The following SLC16A10 variants were observed in gnomAD, a reference collection of about 807,000 sequenced individuals.
SLC16A10 encodes monocarboxylate transporter 10.
Under a neutral mutation model 40.0 loss-of-function variants are expected in SLC16A10, and 27 were observed. The observed-to-expected ratio is 0.67, with a 90% CI of 0.50 to 0.93. The LOEUF is 0.93. SLC16A10 is among the 40% of genes least tolerant of loss of function. SLC16A10 has a pLI of 0.00. For synonymous variants in SLC16A10, 213 were observed against 249.8 expected, an observed-to-expected ratio of 0.85 and a Z score of 1.39; for missense variants, 529 against 658.2, an observed-to-expected ratio of 0.80 and a Z score of 2.15.
At chr6:111,121,396 A>C (rs1771581008) in intron 1 of SLC16A10, among the ~76,000 whole-genome samples, 1 of 152,164 alleles carries the variant, frequency 6.6e-6, no homozygotes, top group Non-Finnish European at 1.5e-5. Context: ...CCCTGTCTCT[A>C]CAAAATATAT....
intron 4 of SLC16A10, among the ~76,000 whole-genome samples, chr6:111,216,232 C>T (rs1773418734): frequency 6.6e-6 from 1 of 152,110 alleles, no homozygotes; most frequent in African/African-American, 2.4e-5. Flanking sequence ...AGGCTGTAGG[C>T]CCAACAATTA....
intron 3 of SLC16A10, among the ~76,000 whole-genome samples, chr6:111,187,442 A>G (rs1772917871): frequency 6.6e-6 from 1 of 152,202 alleles, no homozygotes; most frequent in Admixed American, 6.5e-5. Flanking sequence ...TTAGGACCTG[A>G]AAGGCATTGT....
intron 1 of SLC16A10, among the ~76,000 whole-genome samples, chr6:111,164,509 C>T (rs774794801): frequency 1.2e-4 from 18 of 152,186 alleles, no homozygotes; most frequent in Non-Finnish European, 2.4e-4. Flanking sequence ...CCTGTAATCC[C>T]AGCACTTTGG....
At chr6:111,150,637 TA>T (rs1772156780) in intron 1 of SLC16A10, among the ~76,000 whole-genome samples, 1 of 152,214 alleles carries the variant, frequency 6.6e-6, no homozygotes, top group Non-Finnish European at 1.5e-5. Flanking sequence ...TTGGACCTCC[TA>T]ATGACAGGCC....
chr6:111,112,813 T>C (rs1771413893), intron 1 of SLC16A10, among the ~76,000 whole-genome samples: 1 of 152,178 alleles, frequency 6.6e-6, no homozygotes, highest in Admixed American at 6.5e-5. Context: ...TCCCAAAGTT[T>C]GAAGGCTGTA....
chr6:111,210,819 G>A (rs965013690), intron 4 of SLC16A10, among the ~76,000 whole-genome samples: 6 of 152,058 alleles, frequency 3.9e-5, no homozygotes, highest in Non-Finnish European at 5.9e-5. Context: ...GGCGGATCAC[G>A]AGGTCAGGAG....
intron 1 of SLC16A10, among the ~76,000 whole-genome samples, chr6:111,132,512 G>A (rs539988173): frequency 3.3e-5 from 5 of 152,172 alleles, no homozygotes; most frequent in Non-Finnish European, 5.9e-5. Context: ...AGTCGGTAGC[G>A]GCAACTGCTT....
At chr6:111,209,810 G>A (rs1773317459) in intron 4 of SLC16A10, among the ~76,000 whole-genome samples, 1 of 152,142 alleles carries the variant, frequency 6.6e-6, no homozygotes, top group Admixed American at 6.5e-5. Context: ...ATTTAGAATA[G>A]GGAGGCTATG....
At chr6:111,150,207 C>T (rs1772148716) in intron 1 of SLC16A10, among the ~76,000 whole-genome samples, 1 of 152,194 alleles carries the variant, frequency 6.6e-6, no homozygotes, top group South Asian at 2.1e-4. Context: ...AAGTGTTTGA[C>T]CCCCTTTCCT....
In SLC16A10 at chr6:111,117,276, C is replaced by T. The variant is rs184664667; in HGVS notation, c.343+29181C>T. On this transcript the variant is annotated intron_variant, in intron 1 of 5. Coordinates refer to ENST00000368851, the MANE Select transcript of SLC16A10 (RefSeq NM_018593.5). ...CTGAGGCAGGAGAATGGCGTGAACC[C>T]GGGAGGCGGAGGTTGCAGTGAGCCC... is the stretch of plus-strand genomic sequence containing the variant. Among the ~76,000 whole-genome samples the T allele has an allele frequency of 3.5e-3, 526 of 150,004 alleles. 2 individuals carry two copies. The highest frequency in any genetic ancestry group is 0.011 in the African/African-American group (451 of 40,876).
chr6:111,192,918 T>A (rs1773020140), intron 3 of SLC16A10, among the ~76,000 whole-genome samples: 1 of 152,248 alleles, frequency 6.6e-6, no homozygotes, highest in Non-Finnish European at 1.5e-5. Context: ...GGAGTTACAA[T>A]TCAAGATGAG....
At chr6:111,120,893 CG>C (rs1771571890) in intron 1 of SLC16A10, among the ~76,000 whole-genome samples, 1 of 151,972 alleles carries the variant, frequency 6.6e-6, no homozygotes, top group African/African-American at 2.4e-5. Flanking sequence ...TTAGTACTAA[CG>C]GTATAAACTG....
chr6:111,160,237 G>A (rs187447324), intron 1 of SLC16A10, among the ~76,000 whole-genome samples: 27 of 152,128 alleles, frequency 1.8e-4, no homozygotes, highest in African/African-American at 5.5e-4. Context: ...GATTTTCTCC[G>A]GTATTTTCTT....
In SLC16A10 at chr6:111,093,356, T is replaced by C. The variant is rs148874267; in HGVS notation, c.343+5261T>C. On this transcript the variant is annotated intron_variant, in intron 1 of 5. Coordinates refer to ENST00000368851, the MANE Select transcript of SLC16A10 (RefSeq NM_018593.5). ...GTATGGAGACAGATTTCTTTTTAGA[T>C]GGTTACAGTCACAAAGTAGGGTTTT... Among the ~76,000 whole-genome samples, 149 of 152,374 alleles carry C rather than the reference T, an allele frequency of 9.8e-4. 1 individual carries two copies. Among genetic ancestry groups the C allele is most frequent in the African/African-American group, 3.4e-3 (143 of 41,588 alleles).
intron 3 of SLC16A10, among the ~76,000 whole-genome samples, chr6:111,198,715 T>C (rs564471898): frequency 3.3e-5 from 5 of 152,362 alleles, no homozygotes; most frequent in African/African-American, 1.2e-4. Flanking sequence ...AATGTTATTA[T>C]GTAGCACATG....
chr6:111,205,708 C>T (rs556108985), intron 3 of SLC16A10, among the ~76,000 whole-genome samples: 42 of 152,206 alleles, frequency 2.8e-4, no homozygotes, highest in Non-Finnish European at 5.9e-4. Flanking sequence ...AGGACTTGAA[C>T]GCAAGCAGTC....
At chr6:111,114,715 G>C (rs906625379) in intron 1 of SLC16A10, among the ~76,000 whole-genome samples, 7 of 151,718 alleles carry the variant, frequency 4.6e-5, no homozygotes, top group African/African-American at 1.7e-4. Context: ...GGAGGCCAGA[G>C]GAGGGGCCTC....
intron 1 of SLC16A10, among the ~76,000 whole-genome samples, chr6:111,142,625 T>A (rs1160859740): frequency 6.6e-6 from 1 of 152,204 alleles, no homozygotes; most frequent in Non-Finnish European, 1.5e-5. Context: ...GCAAAGATGC[T>A]CCACATCATA....
intron 3 of SLC16A10, among the ~76,000 whole-genome samples, chr6:111,197,011 G>A (rs1429192874): frequency 1.3e-5 from 2 of 152,152 alleles, no homozygotes; most frequent in Non-Finnish European, 2.9e-5. Context: ...GAGCAGTTGG[G>A]ATAGACAATA....
Sources: gnomAD v4.1 joint callset for allele counts (sites outside exome capture counted in the v4.1 genomes callset) on GRCh38, gnomAD v4.1.1 for gene constraint, MANE v1.5 for transcripts, NCBI Gene and HGNC (gene_info 2026-07-23, HGNC 2026-07-21) for gene names.